The following DAZAP2 variants were observed in gnomAD, a reference collection of about 807,000 sequenced individuals.
DAZAP2 encodes DAZ associated protein 2, also known as DAZ-associated protein 2.
In DAZAP2, 3 loss-of-function variants were observed where a neutral mutation model predicts 16.2. The observed-to-expected ratio is 0.19, with a 90% CI of 0.08 to 0.48. The LOEUF (loss-of-function observed/expected upper bound fraction) is 0.48. DAZAP2 is among the 20% of genes least tolerant of loss of function. DAZAP2 has a pLI of 0.98. For synonymous variants in DAZAP2, 69 were observed against 77.6 expected (o/e 0.89, Z 0.58); for missense variants, 172 against 215.9 (o/e 0.80, Z 1.27).
chr12:51,246,634 G>GTGTGTGTA (rs1384932427), downstream of DAZAP2: 3 of 622,202 alleles, frequency 4.8e-6, no homozygotes, highest in African/African-American at 5.7e-5. Context: ...GTGTGTGTGT[G>GTGTGTGTA]TGTGTAATAT....
chr12:51,241,003 A>G lies in DAZAP2; in HGVS notation c.265A>G (p.Met89Val), dbSNP rs1944665415. The G allele has an allele frequency of 6.2e-7, 1 of 1,613,886 alleles. No homozygotes were observed. Among genetic ancestry groups the G allele is most frequent in the Non-Finnish European group, 8.5e-7 (1 of 1,180,004 alleles). ...TGGGCCTTTAGGTTCCACAATCCCC[A>G]TGGCTTATTATCCAGTCGGTCCCAT... is the stretch of plus-strand genomic sequence containing the variant. Reference protein sequence around the residue: ...AVGPLGSTIPMAYYPVGPIYP... With the variant: ...AVGPLGSTIPVAYYPVGPIYP... The change falls in exon 3 of 4, where the codon ATG becomes GTG. Residue 89 changes from methionine to valine, a missense_variant. Physicochemically the swap from Met to Val is conservative, Grantham distance 21. Coordinates refer to ENST00000412716, the MANE Select transcript of DAZAP2 (RefSeq NM_014764.4).
In DAZAP2 at chr12:51,243,599, TTTCAG is replaced by T. The variant is rs1194529492; in HGVS notation, c.*1146_*1150del. The stretch of plus-strand genomic sequence containing the variant: ...GATTTTATTTTATTTTATCTTATAA[TTTCAG>T]TTCATCTAAATTGTGTGTTCTGTAC... On this transcript the variant is annotated 3_prime_UTR_variant, in exon 4 of 4. Transcript: ENST00000412716. 1.0e-6 allele frequency: 1 copy of T among 985,494 alleles called. No homozygotes were observed. The highest frequency in any genetic ancestry group is 1.1e-4 in the East Asian group (1 of 8,830). The allele number at this position is 985,494 out of a possible 1,614,324, so 61.0% of individuals were successfully genotyped here. A position where few individuals can be genotyped will look rare whatever the true frequency, so the allele number is the denominator to read the frequency against.
In DAZAP2 at chr12:51,238,849, G is replaced by C; in HGVS notation, c.-59G>C. 6.2e-7 allele frequency: 1 copy of C among 1,611,990 alleles called. No individual in the cohort carries two copies. Among genetic ancestry groups the C allele is most frequent in the Non-Finnish European group, 8.5e-7 (1 of 1,179,668 alleles). ...GTGACACGGAAGTAGCTCCGAACAGGAAGAGGACGAAAAAAATAACCGTCC... is the reference window on the plus strand; with the variant it reads ...GTGACACGGAAGTAGCTCCGAACAGCAAGAGGACGAAAAAAATAACCGTCC... On this transcript the variant is annotated 5_prime_UTR_variant, in exon 1 of 4. Transcript: ENST00000412716.
At chr12:51,240,786 G>C in intron 2 of DAZAP2, 85 bp from the exon 3 acceptor site, 1 of 1,530,430 alleles carries the variant, frequency 6.5e-7, no homozygotes, top group Non-Finnish European at 8.8e-7. Context: ...ACCTGCATAA[G>C]GAGAATTAAG....
chr12:51,243,882 G>A lies in DAZAP2; in HGVS notation c.*1424G>A. 1 of 985,320 alleles carries A rather than the reference G, an allele frequency of 1.0e-6. No individual in the cohort carries two copies. The highest frequency in any genetic ancestry group is 4.7e-5 in the South Asian group (1 of 21,282). The allele number at this position is 985,320 out of a possible 1,614,324, so 61.0% of individuals were successfully genotyped here. On this transcript the variant is annotated 3_prime_UTR_variant, in exon 4 of 4. Coordinates refer to ENST00000412716, the MANE Select transcript of DAZAP2 (RefSeq NM_014764.4). Reference sequence around the variant, plus strand: ...TAGAATTCAGCTAGGTGCTGCTGCTGCTCTGTTTCCTTTGATGACGCTTTG... The same window carrying A: ...TAGAATTCAGCTAGGTGCTGCTGCTACTCTGTTTCCTTTGATGACGCTTTG...
At chr12:51,241,381 C>G (rs189536253) in intron 3 of DAZAP2, among the ~76,000 whole-genome samples, 2 of 152,106 alleles carry the variant, frequency 1.3e-5, no homozygotes, top group Non-Finnish European at 2.9e-5. Flanking sequence ...TTGTGGTACA[C>G]TGAACTGGTC....
chr12:51,242,315 G>A lies in DAZAP2; in HGVS notation c.379-15G>A. The A allele has an allele frequency of 6.4e-7, 1 of 1,574,126 alleles. No homozygotes were observed. ...AGCTGCCCTGTGCCCATTCTATCAT[G>A]TCATTTCCTTTCAGCCTCCACCTCC... On this transcript the variant is annotated splice_polypyrimidine_tract_variant and intron_variant, in intron 3 of 3. Coordinates refer to ENST00000412716, the MANE Select transcript of DAZAP2 (RefSeq NM_014764.4).
intron 2 of DAZAP2, 111 bp from the exon 3 acceptor site, chr12:51,240,759 AT>A: frequency 6.9e-7 from 1 of 1,441,362 alleles, no homozygotes; most frequent in Non-Finnish European, 9.3e-7. Flanking sequence ...AACTTGTATA[AT>A]CTTACAAAAA....
In DAZAP2 at chr12:51,240,881, C is replaced by T. The variant is rs200028834; in HGVS notation, c.143C>T (p.Pro48Leu). 13 of 1,613,698 alleles carry T rather than the reference C, an allele frequency of 8.1e-6. No homozygotes were observed. Among genetic ancestry groups the T allele is most frequent in the Middle Eastern group, 1.6e-4 (1 of 6,082 alleles). Residue 48 changes from proline (P) to leucine (L), a missense_variant, in exon 3 of 4, where the codon CCG (proline) becomes CTG (leucine). Physicochemically the swap from Pro to Leu is moderately conservative, Grantham distance 98. Transcript: ENST00000412716. ...APPAYSELYR[P>L]SFVHPGAATV... ...TTCTGCCTCTTCTAGCTCTATCGTC[C>T]GAGCTTTGTGCACCCAGGGGCTGCC...
downstream of DAZAP2, chr12:51,246,021 T>C (rs560843325): frequency 4.0e-5 from 64 of 1,613,784 alleles, no homozygotes; most frequent in Non-Finnish European, 5.0e-5. Flanking sequence ...TCACCTTCTG[T>C]AGGTTCATAG....
At chr12:51,241,191 C>T (rs1944669819) in intron 3 of DAZAP2, 75 bp downstream of exon 3, 1 of 1,563,006 alleles carries the variant, frequency 6.4e-7, no homozygotes, top group Non-Finnish European at 8.7e-7. Flanking sequence ...TATTCATTCT[C>T]TTACCATTTC....
At chr12:51,246,499 C>G, downstream of DAZAP2, 1 of 447,328 alleles carries the variant, frequency 2.2e-6, no homozygotes, top group Middle Eastern at 5.9e-4. Flanking sequence ...TCGTCCCTAC[C>G]CACGTACTCA....
chr12:51,243,073 G>A lies in DAZAP2; in HGVS notation c.*615G>A. ...CCCCACTCGTCATCTTTTAACTAGT[G>A]TTTCACAAGGATCCTCTGAAACCCT... On this transcript the variant is annotated 3_prime_UTR_variant, in exon 4 of 4. Transcript: ENST00000412716. 1 of 990,436 alleles carries A rather than the reference G, an allele frequency of 1.0e-6. No homozygotes were observed. The highest frequency in any genetic ancestry group is 4.5e-5 in the South Asian group (1 of 21,992). The allele number at this position is 990,436 out of a possible 1,614,324, so 61.4% of individuals were successfully genotyped here.
In DAZAP2 at chr12:51,243,763, TAA is replaced by T. The variant is rs1944724935; in HGVS notation, c.*1307_*1308del. ...ATAAAGACTATTTTGAAGATTTGAATAAAGTGATGAAGTTGCATTACACCTCA... is the reference window on the plus strand; with the variant it reads ...ATAAAGACTATTTTGAAGATTTGAATAGTGATGAAGTTGCATTACACCTCA... On this transcript the variant is annotated 3_prime_UTR_variant, in exon 4 of 4. Coordinates refer to ENST00000412716, the MANE Select transcript of DAZAP2 (RefSeq NM_014764.4). 1 of 985,632 alleles carries T rather than the reference TAA, an allele frequency of 1.0e-6. No individual in the cohort carries two copies. Among genetic ancestry groups the T allele is most frequent in the South Asian group, 4.7e-5 (1 of 21,294 alleles). The allele number at this position is 985,632 out of a possible 1,614,324, so 61.1% of individuals were successfully genotyped here.
At position 51,243,631 on chromosome 12, in the gene DAZAP2, T is replaced by G; in HGVS notation, c.*1173T>G. On this transcript the variant is annotated 3_prime_UTR_variant, in exon 4 of 4. Transcript: ENST00000412716. ...TCATCTAAATTGTGTGTTCTGTACA[T>G]GTGATGTTTGACTGTACCATTGACT... is the stretch of plus-strand genomic sequence containing the variant. 1.0e-6 allele frequency: 1 copy of G among 985,816 alleles called. No individual in the cohort carries two copies. Among genetic ancestry groups the G allele is most frequent in the Non-Finnish European group, 1.2e-6 (1 of 829,880 alleles). The allele number at this position is 985,816 out of a possible 1,614,324, so 61.1% of individuals were successfully genotyped here.
intron 3 of DAZAP2, among the ~76,000 whole-genome samples, chr12:51,241,429 T>C (rs1161155025): frequency 6.6e-6 from 1 of 152,152 alleles, no homozygotes; most frequent in Non-Finnish European, 1.5e-5. Context: ...GCATTTACCA[T>C]TTACTTAATA....
rs1015602736 is a variant in DAZAP2 at position 51,242,663 on chromosome 12, G to C, written c.*205G>C. Reference sequence around the variant, plus strand: ...GCAGTACCTCCCTAAAGCATTTTGAGGTAGGGGAGGTATCCATTCATAAAA... The same window carrying C: ...GCAGTACCTCCCTAAAGCATTTTGACGTAGGGGAGGTATCCATTCATAAAA... On this transcript the variant is annotated 3_prime_UTR_variant, in exon 4 of 4. Transcript: ENST00000412716. 17 of 1,525,224 alleles carry C rather than the reference G, an allele frequency of 1.1e-5. No homozygotes were observed. The highest frequency in any genetic ancestry group is 1.2e-5 in the Non-Finnish European group (14 of 1,135,308). The allele number at this position is 1,525,224 out of a possible 1,614,324, so 94.5% of individuals were successfully genotyped here.
intron 3 of DAZAP2, 29 bp downstream of exon 3, chr12:51,241,145 A>C: frequency 6.2e-7 from 1 of 1,607,190 alleles, no homozygotes; most frequent in Non-Finnish European, 8.5e-7. Context: ...GAAGAAACTC[A>C]GCCCTTGTGT....
At chr12:51,241,263 T>G (rs1944671423) in intron 3 of DAZAP2, 147 bp downstream of exon 3, 3 of 1,291,410 alleles carry the variant, frequency 2.3e-6, no homozygotes, top group Non-Finnish European at 3.2e-6. Flanking sequence ...AGAAAGTGTT[T>G]GAGGGGGCAG....
Sources: allele counts gnomAD v4.1 joint callset (sites outside exome capture counted in the v4.1 genomes callset), GRCh38; gene constraint gnomAD v4.1.1; transcripts MANE v1.5; gene names NCBI Gene and HGNC (gene_info 2026-07-23, HGNC 2026-07-21).